The following ANKRD45 variants were observed in gnomAD, a reference collection of about 807,000 sequenced individuals.
ANKRD45 encodes ankyrin repeat domain-containing protein 45.
In ANKRD45, 21 loss-of-function variants were observed where a neutral mutation model predicts 28.1. The ratio of observed to expected loss-of-function variants is 0.75; its 90% CI spans 0.53 to 1.08. The LOEUF is 1.08. Ranked by LOEUF, ANKRD45 falls within the 50% of genes least tolerant of loss-of-function variation. The pLI is 0.00. For synonymous variants in ANKRD45, 86 were observed against 103.9 expected (o/e 0.83, Z 1.05); for missense variants, 261 against 308.7 (o/e 0.85, Z 1.16).
chr1:173,688,579 G>A, the ANKRD45 span, among the ~76,000 whole-genome samples: 26 of 85,500 alleles, frequency 3.0e-4, no homozygotes, highest in South Asian at 2.9e-3. Context: ...TCTCTCTGCC[G>A]CTTCCTCTCT....
Position 173,637,357 on chromosome 1 carries a change from C to T in ANKRD45, c.496+9489G>A, listed in dbSNP as rs1571728833. 5.3e-5 allele frequency among the ~76,000 whole-genome samples: 8 copies of T among 152,292 alleles called. No homozygotes were observed. In the East Asian group the frequency reaches 1.5e-3, roughly 29 times the overall value. On this transcript the variant is annotated intron_variant, in intron 3 of 5. Transcript: ENST00000333279. The stretch of plus-strand genomic sequence containing the variant: ...AGCAAAATTTACTCAAAGACCTGTG[C>T]TAATATTCTTAAATTCTGCTAGCTG...
chr1:173,672,459 AT>A (rs1358885236), upstream of ANKRD45, among the ~76,000 whole-genome samples: 2 of 152,226 alleles, frequency 1.3e-5, no homozygotes, highest in Admixed American at 6.5e-5. Context: ...AAAACTGTAC[AT>A]GATTCTGTTT....
chr1:173,661,088 A>T (rs551127222), intron 1 of ANKRD45, among the ~76,000 whole-genome samples: 1 of 152,210 alleles, frequency 6.6e-6, no homozygotes, highest in Non-Finnish European at 1.5e-5. Context: ...GTCAAGTGAA[A>T]AGCAATTAAA....
At chr1:173,702,548 G>A in the ANKRD45 span, among the ~76,000 whole-genome samples, 1 of 151,938 alleles carries the variant, frequency 6.6e-6, no homozygotes, top group African/African-American at 2.4e-5. Flanking sequence ...AATCATTAGA[G>A]AATAAACAGC....
At chr1:173,676,654 T>A in the ANKRD45 span, among the ~76,000 whole-genome samples, 1 of 151,730 alleles carries the variant, frequency 6.6e-6, no homozygotes, top group East Asian at 1.9e-4. Context: ...AAGACAACAA[T>A]CATTCATGGA....
chr1:173,627,975 C>A (rs1489339830), intron 3 of ANKRD45, among the ~76,000 whole-genome samples: 4 of 151,210 alleles, frequency 2.6e-5, no homozygotes, highest in Non-Finnish European at 5.9e-5. Flanking sequence ...GTCCTGAGGC[C>A]CCCATTCCAG....
At chr1:173,665,327 C>A in intron 1 of ANKRD45, among the ~76,000 whole-genome samples, 1 of 152,172 alleles carries the variant, frequency 6.6e-6, no homozygotes, top group East Asian at 1.9e-4. Context: ...AGGCCCATGC[C>A]ACCACACCCA....
At chr1:173,652,932 C>T (rs1023491467) in intron 2 of ANKRD45, among the ~76,000 whole-genome samples, 5 of 152,114 alleles carry the variant, frequency 3.3e-5, no homozygotes, top group African/African-American at 7.2e-5. Context: ...TCTGTGGGAT[C>T]GGTGGTGACA....
chr1:173,641,324 A>G (rs748062950), intron 3 of ANKRD45, among the ~76,000 whole-genome samples: 25 of 152,172 alleles, frequency 1.6e-4, no homozygotes, highest in Non-Finnish European at 3.4e-4. Flanking sequence ...TTGACCAAGC[A>G]TGGACTGTAT....
intron 3 of ANKRD45, among the ~76,000 whole-genome samples, chr1:173,642,826 G>A (rs917107145): frequency 2.6e-5 from 4 of 152,202 alleles, no homozygotes; most frequent in African/African-American, 9.7e-5. Flanking sequence ...AGTACAGAAT[G>A]TGAGGTCCTA....
chr1:173,673,390 G>A (rs1478184817), upstream of ANKRD45, among the ~76,000 whole-genome samples: 2 of 152,084 alleles, frequency 1.3e-5, no homozygotes, highest in African/African-American at 4.8e-5. Flanking sequence ...TAGGATTACA[G>A]GCATGAACCA....
intron 1 of ANKRD45, among the ~76,000 whole-genome samples, chr1:173,669,295 G>A (rs1558151320): frequency 1.3e-5 from 2 of 152,012 alleles, no homozygotes; most frequent in South Asian, 2.1e-4. Context: ...TCCAGGTAAC[G>A]GGAAGAGCAT....
intron 3 of ANKRD45, chr1:173,635,475 TA>T: frequency 1.5e-6 from 2 of 1,361,414 alleles, no homozygotes; most frequent in Non-Finnish European, 2.0e-6. Context: ...TTAGCTATTT[TA>T]AAATAGCTAA....
intron 3 of ANKRD45, among the ~76,000 whole-genome samples, chr1:173,631,891 C>T (rs987946330): frequency 1.7e-4 from 26 of 151,060 alleles, no homozygotes; most frequent in South Asian, 4.2e-4. Flanking sequence ...TAAAAAAATA[C>T]AAAAACTTCA....
intron 4 of ANKRD45, among the ~76,000 whole-genome samples, chr1:173,625,296 T>A (rs572561035): frequency 1.3e-5 from 2 of 152,246 alleles, no homozygotes; most frequent in East Asian, 3.9e-4. Flanking sequence ...TAATTCTTTA[T>A]TTTTGTTAAG....
chr1:173,654,278 G>GT (rs1355823335), intron 2 of ANKRD45, among the ~76,000 whole-genome samples: 2 of 152,094 alleles, frequency 1.3e-5, no homozygotes, highest in African/African-American at 4.8e-5. Flanking sequence ...AGGAGCTCTT[G>GT]TAAGGCAGGC....
chr1:173,624,680 T>A, intron 5 of ANKRD45, 107 bp downstream of exon 5: 1 of 1,172,646 alleles, frequency 8.5e-7, no homozygotes, highest in Admixed American at 2.4e-5. Flanking sequence ...ACAATGTTAA[T>A]AACTACTTAA....
chr1:173,622,503 C>A (rs1387190876), intron 5 of ANKRD45, among the ~76,000 whole-genome samples: 1 of 152,134 alleles, frequency 6.6e-6, no homozygotes, highest in African/African-American at 2.4e-5. Context: ...AATCAGACCA[C>A]ACACCTACAA....
the ANKRD45 span, among the ~76,000 whole-genome samples, chr1:173,687,339 CTT>C: frequency 6.6e-6 from 1 of 152,012 alleles, no homozygotes; most frequent in Non-Finnish European, 1.5e-5. Flanking sequence ...ACAGACAATT[CTT>C]TGACACGCCT....
Sources: allele counts gnomAD v4.1 joint callset (sites outside exome capture counted in the v4.1 genomes callset), GRCh38; gene constraint gnomAD v4.1.1; transcripts MANE v1.5; gene names NCBI Gene and HGNC (gene_info 2026-07-23, HGNC 2026-07-21).